Variants in TATDN3 observed in about 807,000 individuals in gnomAD.
TATDN3 encodes TatD DNase domain containing 3.
In TATDN3, 29 loss-of-function variants were observed where a neutral mutation model predicts 40.1. The observed-to-expected ratio is 0.72, with a 90% CI of 0.54 to 0.99. TATDN3 has a LOEUF of 0.99. Ranked by LOEUF, TATDN3 falls within the 50% of genes least tolerant of loss-of-function variation. The probability of loss-of-function intolerance (pLI) is 0.00; values close to 1 mark genes in which losing one functional copy is unlikely to be tolerated. For synonymous variants in TATDN3, 105 were observed against 117.0 expected (o/e 0.90, Z 0.66); for missense variants, 309 against 321.9 (o/e 0.96, Z 0.31).
At position 212,807,781 on chromosome 1, in the gene TATDN3, T is replaced by C; in HGVS notation, c.533T>C (p.Val178Ala). 6.2e-7 allele frequency: 1 copy of C among 1,613,938 alleles called. No individual in the cohort carries two copies. The highest frequency in any genetic ancestry group is 8.5e-7 in the Non-Finnish European group (1 of 1,179,930). ...CATGCATTTGATGGTCGGCCATCTG[T>C]AGCCATGGAAGGAGTAAGAGCTGGG... The part of the protein sequence containing the change: ...LLHAFDGRPS[V>A]AMEGVRAGYF... The change falls in exon 8 of 10, where the codon GTA becomes GCA. Residue 178 changes from valine (V) to alanine (A), a missense_variant. By Grantham distance (64) the Val-to-Ala change is moderately conservative (BLOSUM62 0). Transcript: ENST00000366974.
chr1:212,810,081 G>A (rs1310327943), intron 8 of TATDN3, among the ~76,000 whole-genome samples: 2 of 151,742 alleles, frequency 1.3e-5, no homozygotes, highest in Admixed American at 6.6e-5. Flanking sequence ...CCTTAGATTT[G>A]GGCCAGGCAC....
intron 1 of TATDN3, among the ~76,000 whole-genome samples, chr1:212,792,322 G>A (rs972835620): frequency 8.5e-5 from 13 of 152,068 alleles, no homozygotes; most frequent in Non-Finnish European, 1.9e-4. Flanking sequence ...TGTGGGAAGC[G>A]GTCCTCGAAA....
rs773358053 is a variant in TATDN3 at position 212,807,861 on chromosome 1, A to G, written c.600+13A>G. Reference sequence around the variant, plus strand: ...AAGAAGTGGACAGGTAAATTTTTTCATTGAAACTCATCTAATACTTATGAA... The same window carrying G: ...AAGAAGTGGACAGGTAAATTTTTTCGTTGAAACTCATCTAATACTTATGAA... On this transcript the variant is annotated intron_variant, in intron 8 of 9. Transcript: ENST00000366974. 3 of 1,513,844 alleles carry G rather than the reference A, an allele frequency of 2.0e-6. No individual in the cohort carries two copies. Among genetic ancestry groups the G allele is most frequent in the South Asian group, 2.3e-5 (2 of 86,428 alleles). The allele number at this position is 1,513,844 out of a possible 1,614,324, so 93.8% of individuals were successfully genotyped here.
In TATDN3 at chr1:212,795,262, T is replaced by TTTTATTTATTTATTTATTTA. The variant is rs143072334; in HGVS notation, c.99+142_99+161dup. The TTTTATTTATTTATTTATTTA allele has an allele frequency of 9.3e-3, 2,789 of 299,850 alleles. 41 individuals carry two copies. The highest frequency in any genetic ancestry group is 0.012 in the Admixed American group (245 of 19,656). The allele number at this position is 299,850 out of a possible 1,614,324, so 18.6% of individuals were successfully genotyped here. A position where few individuals can be genotyped will look rare whatever the true frequency, so the allele number is the denominator to read the frequency against. ...TAAGTAGCATTTTTTATTTTTATTA[T>TTTTATTTATTTATTTATTTA]TTTATTTATTTATTTATTTATTTAT... is the stretch of plus-strand genomic sequence containing the variant. On this transcript the variant is annotated intron_variant, in intron 2 of 9. Coordinates refer to ENST00000366974, the MANE Select transcript of TATDN3 (RefSeq NM_001042552.3).
chr1:212,802,656 C>A, intron 4 of TATDN3, 45 bp from the exon 5 acceptor site: 2 of 1,280,680 alleles, frequency 1.6e-6, no homozygotes, highest in Non-Finnish European at 2.3e-6. Context: ...TGTGAAATAG[C>A]AGTTCCTTTC....
In TATDN3 at chr1:212,797,137, T is replaced by C; in HGVS notation, c.199T>C (p.Leu67=). The C allele has an allele frequency of 6.2e-7, 1 of 1,614,202 alleles. No individual in the cohort carries two copies. The highest frequency in any genetic ancestry group is 8.5e-7 in the Non-Finnish European group (1 of 1,180,018). Residue 67 remains leucine, a synonymous_variant, in exon 4 of 10, where the codon TTG becomes CTG. Coordinates refer to ENST00000366974, the MANE Select transcript of TATDN3 (RefSeq NM_001042552.3). The part of the protein sequence containing the change: ...ERYNGFVLPC[L]GVHPVQGLPP... ...GTATAATGGGTTTGTCCTGCCATGC[T>C]TGGGTGTTCATCCAGTTCAAGGACT... is the stretch of plus-strand genomic sequence containing the variant.
chr1:212,812,019 G>A (rs1221456809), intron 8 of TATDN3, among the ~76,000 whole-genome samples: 1 of 151,822 alleles, frequency 6.6e-6, no homozygotes, highest in African/African-American at 2.4e-5. Context: ...ATTTTTAGCA[G>A]AGACGGGGTT....
chr1:212,803,531 A>G (rs1662288641), intron 5 of TATDN3, among the ~76,000 whole-genome samples: 1 of 152,050 alleles, frequency 6.6e-6, no homozygotes, highest in Non-Finnish European at 1.5e-5. Context: ...ATTTTTAATT[A>G]GAGACAAAAG....
At chr1:212,792,045 G>C in intron 1 of TATDN3, 58 bp downstream of exon 1, 1 of 1,560,472 alleles carries the variant, frequency 6.4e-7, no homozygotes, top group South Asian at 1.1e-5. Context: ...CTTTCCCCTC[G>C]TGTTATCTTT....
At chr1:212,795,830 A>G (rs1178437512) in intron 2 of TATDN3, among the ~76,000 whole-genome samples, 5 of 152,170 alleles carry the variant, frequency 3.3e-5, no homozygotes, top group South Asian at 4.1e-4. Context: ...TTTATAGCCA[A>G]TCATTCCCCA....
chr1:212,797,219 A>G (rs1661835434), intron 4 of TATDN3, 23 bp downstream of exon 4: 1 of 1,560,748 alleles, frequency 6.4e-7, no homozygotes, highest in Non-Finnish European at 8.8e-7. Context: ...CAAAACAGGA[A>G]CCATTAAAAA....
At chr1:212,794,516 G>A (rs1205398439) in intron 1 of TATDN3, among the ~76,000 whole-genome samples, 2 of 152,096 alleles carry the variant, frequency 1.3e-5, no homozygotes, top group Non-Finnish European at 2.9e-5. Context: ...ACTTGAACCC[G>A]GGTGGCAGAG....
Position 212,804,343 on chromosome 1 carries a change from A to T in TATDN3, c.345A>T (p.Arg115Ser). 6.2e-7 allele frequency: 1 copy of T among 1,613,978 alleles called. No individual in the cohort carries two copies. The highest frequency in any genetic ancestry group is 8.5e-7 in the Non-Finnish European group (1 of 1,179,936). ...AGGTTGGACTAGATTTCTCCCCCAG[A>T]TTTGCTGGCACTGGTGAACAGAAGG... ...IGEVGLDFSPRFAGTGEQKEE... is the reference protein window; with the variant it reads ...IGEVGLDFSPSFAGTGEQKEE... The change falls in exon 6 of 10, where the codon AGA becomes AGT. Residue 115 changes from arginine to serine, a missense_variant. Coordinates refer to ENST00000366974, the MANE Select transcript of TATDN3 (RefSeq NM_001042552.3).
intron 8 of TATDN3, among the ~76,000 whole-genome samples, chr1:212,811,258 G>A (rs906878660): frequency 3.3e-5 from 5 of 151,382 alleles, no homozygotes; most frequent in Admixed American, 3.3e-4. Context: ...TCAACCTCCC[G>A]AGTAGCTGGG....
chr1:212,809,605 A>AC (rs1265735621), intron 8 of TATDN3, among the ~76,000 whole-genome samples: 9 of 151,006 alleles, frequency 6.0e-5, no homozygotes, highest in African/African-American at 4.9e-5. Context: ...AATGGCGTGA[A>AC]CCCGGGGGGG....
chr1:212,797,217 G>T, intron 4 of TATDN3, 21 bp downstream of exon 4: 1 of 1,581,750 alleles, frequency 6.3e-7, no homozygotes, highest in Non-Finnish European at 8.7e-7. Flanking sequence ...TACAAAACAG[G>T]AACCATTAAA....
chr1:212,793,587 A>C (rs1661504560), intron 1 of TATDN3, among the ~76,000 whole-genome samples: 1 of 152,200 alleles, frequency 6.6e-6, no homozygotes, highest in African/African-American at 2.4e-5. Context: ...AAGACTAGTT[A>C]GGAGGCTTTT....
intron 5 of TATDN3, among the ~76,000 whole-genome samples, chr1:212,803,441 C>G (rs1417370223): frequency 6.6e-6 from 1 of 152,088 alleles, no homozygotes; most frequent in African/African-American, 2.4e-5. Context: ...ACCTTCGCCT[C>G]CCAAAGTGCT....
At chr1:212,813,149 C>T (rs1662990428) in intron 9 of TATDN3, among the ~76,000 whole-genome samples, 1 of 152,110 alleles carries the variant, frequency 6.6e-6, no homozygotes, top group South Asian at 2.1e-4. Context: ...AGTTCTATTT[C>T]TTTCAATACA....
Sources: gnomAD v4.1 joint callset for allele counts (sites outside exome capture counted in the v4.1 genomes callset) on GRCh38, gnomAD v4.1.1 for gene constraint, MANE v1.5 for transcripts, NCBI Gene and HGNC (gene_info 2026-07-23, HGNC 2026-07-21) for gene names.